The following DPP8 variants were observed in gnomAD, a reference collection of about 807,000 sequenced individuals.
DPP8 encodes DPP VIII.
Under a neutral mutation model 107.5 loss-of-function variants are expected in DPP8, and 31 were observed. The observed-to-expected ratio is 0.29, with a 90% CI of 0.22 to 0.39. The LOEUF (loss-of-function observed/expected upper bound fraction) is 0.39, where lower values mean the gene tolerates loss of function less well. Among genes scored for constraint, DPP8 ranks in the 10% least tolerant of loss-of-function variants. DPP8 has a pLI of 1.00. For missense variants in DPP8, 842 were observed against 1,076.1 expected, an observed-to-expected ratio of 0.78 and a Z score of 3.04; for synonymous variants, 381 against 356.6, an observed-to-expected ratio of 1.07 and a Z score of -0.77.
At chr15:65,475,677 A>T in intron 11 of DPP8, 2 of 628,058 alleles carry the variant, frequency 3.2e-6, no homozygotes, top group Non-Finnish European at 5.5e-6. Flanking sequence ...AAAATGTTTA[A>T]TACAATTGTT....
At chr15:65,452,939 C>G (rs1232556191) in intron 17 of DPP8, among the ~76,000 whole-genome samples, 1 of 152,006 alleles carries the variant, frequency 6.6e-6, no homozygotes, top group Non-Finnish European at 1.5e-5. Context: ...ACACTGCATT[C>G]CAGCCTGGGT....
At position 65,507,420 on chromosome 15, in the gene DPP8, G is replaced by A. The variant is rs80187194; in HGVS notation, c.260-65C>T. 5.7e-4 allele frequency: 572 copies of A among 1,004,794 alleles called. 3 individuals carry two copies. In the East Asian group the frequency reaches 0.011, roughly 20 times the overall value. 62.2% of individuals were successfully genotyped at this position (1,004,794 alleles called of 1,614,324 possible). A position where few individuals can be genotyped will look rare whatever the true frequency, so the allele number is the denominator to read the frequency against. On this transcript the variant is annotated intron_variant, in intron 2 of 19. Coordinates refer to ENST00000300141, the MANE Select transcript of DPP8 (RefSeq NM_130434.5). ...TAGCATTCTTACTACAGTCACAGTT[G>A]CAAGTACATAATGCCTTCTATACAC...
At chr15:65,506,279 A>G (rs896764025) in intron 3 of DPP8, among the ~76,000 whole-genome samples, 1 of 152,180 alleles carries the variant, frequency 6.6e-6, no homozygotes, top group African/African-American at 2.4e-5. Flanking sequence ...TAGTGAGCCA[A>G]GACTGCGCCA....
At position 65,478,889 on chromosome 15, in the gene DPP8, G is replaced by C; in HGVS notation, c.1447C>G (p.Pro483Ala). 1 of 1,558,300 alleles carries C rather than the reference G, an allele frequency of 6.4e-7. No individual in the cohort carries two copies. Among genetic ancestry groups the C allele is most frequent in the South Asian group, 1.2e-5 (1 of 80,024 alleles). The change falls in exon 11 of 20, where the codon CCT (proline) becomes GCT (alanine). Residue 483 changes from proline to alanine, a missense_variant. Coordinates refer to ENST00000300141, the MANE Select transcript of DPP8 (RefSeq NM_130434.5). ...SKYKRSSGGL[P>A]APSDFKCPIK... Reference sequence around the variant, plus strand: ...AAAATGGATTTCTTACTTGGAGCAGGCAGCCCACCACTGGATCGTTTATAT... The same window carrying C: ...AAAATGGATTTCTTACTTGGAGCAGCCAGCCCACCACTGGATCGTTTATAT...
At chr15:65,485,544 CAAAAAAAAAAAA>C in intron 7 of DPP8, among the ~76,000 whole-genome samples, 1 of 61,274 alleles carries the variant, frequency 1.6e-5, no homozygotes, top group African/African-American at 5.4e-5. Context: ...GACTCCATCT[CAAAAAAAAAAAA>C]AAAAAAAAGA....
intron 1 of DPP8, chr15:65,515,830 C>A: frequency 1.3e-6 from 1 of 774,956 alleles, no homozygotes; most frequent in South Asian, 1.9e-5. Context: ...AGACTTTGAT[C>A]ATTAAGATGG....
At chr15:65,469,404 CA>C (rs1203240280) in intron 12 of DPP8, among the ~76,000 whole-genome samples, 1 of 151,356 alleles carries the variant, frequency 6.6e-6, no homozygotes, top group African/African-American at 2.4e-5. Context: ...CCTGTAATCC[CA>C]AAACTTTGGG....
chr15:65,491,153 TCCG>T (rs2067990600), intron 5 of DPP8, among the ~76,000 whole-genome samples: 1 of 83,984 alleles, frequency 1.2e-5, no homozygotes, highest in African/African-American at 5.3e-5. Context: ...AGAACAAGAC[TCCG>T]TCTCAAAAAA....
intron 15 of DPP8, among the ~76,000 whole-genome samples, chr15:65,461,896 G>A (rs2064958597): frequency 6.6e-6 from 1 of 151,334 alleles, no homozygotes; most frequent in Non-Finnish European, 1.5e-5. Flanking sequence ...ATCGCGCACA[G>A]CCGACCGTTT....
chr15:65,510,013 C>T (rs570891456), intron 2 of DPP8, among the ~76,000 whole-genome samples: 9 of 150,948 alleles, frequency 6.0e-5, no homozygotes, highest in East Asian at 3.9e-4. Flanking sequence ...AGAGTGAGAC[C>T]GCCATCTCAA....
intron 5 of DPP8, among the ~76,000 whole-genome samples, chr15:65,491,075 T>C (rs547650976): frequency 1.3e-5 from 2 of 150,118 alleles, no homozygotes; most frequent in Non-Finnish European, 1.5e-5. Context: ...GGAGAATCGC[T>C]TGAACCCGGG....
At chr15:65,450,781 C>G in intron 19 of DPP8, 1 of 408,020 alleles carries the variant, frequency 2.5e-6, no homozygotes, top group Non-Finnish European at 4.3e-6. Context: ...TACAGACACA[C>G]AGTCATGTAA....
chr15:65,469,869 C>T (rs2065704979), intron 12 of DPP8, among the ~76,000 whole-genome samples: 1 of 151,358 alleles, frequency 6.6e-6, no homozygotes, highest in Non-Finnish European at 1.5e-5. Flanking sequence ...GCTTAAAAGT[C>T]TTAAAGCTTT....
chr15:65,515,620 C>T (rs777966882), intron 1 of DPP8: 25 of 1,601,008 alleles, frequency 1.6e-5, no homozygotes, highest in Non-Finnish European at 1.2e-5. Flanking sequence ...ACTGCCCCAC[C>T]TACCTCGTCA....
chr15:65,492,080 G>A (rs1042013107), intron 5 of DPP8, among the ~76,000 whole-genome samples: 5 of 149,214 alleles, frequency 3.4e-5, no homozygotes, highest in Non-Finnish European at 5.9e-5. Context: ...AGTGGCTCAC[G>A]CCTGTAATCC....
intron 11 of DPP8, among the ~76,000 whole-genome samples, chr15:65,475,908 T>A (rs1173919849): frequency 6.6e-6 from 1 of 151,992 alleles, no homozygotes; most frequent in Non-Finnish European, 1.5e-5. Context: ...GCCACCACAC[T>A]TGGTTAATTT....
intron 3 of DPP8, among the ~76,000 whole-genome samples, chr15:65,505,351 T>C (rs1281505328): frequency 8.6e-5 from 2 of 23,348 alleles, no homozygotes; most frequent in Non-Finnish European, 1.9e-4. Context: ...TGAGACTCTG[T>C]CTCAAAAAAA....
At chr15:65,499,396 T>C (rs922637788) in intron 4 of DPP8, among the ~76,000 whole-genome samples, 4 of 151,928 alleles carry the variant, frequency 2.6e-5, no homozygotes, top group Non-Finnish European at 5.9e-5. Flanking sequence ...CTAATTTTTG[T>C]GTTTTTAGTA....
chr15:65,507,354 G>A lies in DPP8; in HGVS notation c.261C>T (p.Ala87=), dbSNP rs1345752269. 2 of 1,551,456 alleles carry A rather than the reference G, an allele frequency of 1.3e-6. No individual in the cohort carries two copies. Among genetic ancestry groups the A allele is most frequent in the Non-Finnish European group, 1.8e-6 (2 of 1,133,346 alleles). ...TATTTTCTCTGTTCTCACCAGACAT[G>A]GCTATAGGAGAAAGCAATCATTTAT... The part of the protein sequence containing the change: ...GPHSDRIYYL[A]MSGENRENTL... Residue 87 remains alanine, a splice_region_variant and synonymous_variant, in exon 3 of 20, where the codon GCC becomes GCT. Transcript: ENST00000300141.
Sources: gnomAD v4.1 joint callset for allele counts (sites outside exome capture counted in the v4.1 genomes callset) on GRCh38, gnomAD v4.1.1 for gene constraint, MANE v1.5 for transcripts, NCBI Gene and HGNC (gene_info 2026-07-23, HGNC 2026-07-21) for gene names.